HECW1: variants seen among roughly 807,000 people sequenced by gnomAD.
HECW1 encodes E3 ubiquitin-protein ligase HECW1.
Under a neutral mutation model 182.3 loss-of-function variants are expected in HECW1, and 61 were observed. The ratio of observed to expected loss-of-function variants is 0.33; its 90% CI spans 0.27 to 0.41. The LOEUF (loss-of-function observed/expected upper bound fraction) is 0.41, where lower values mean the gene tolerates loss of function less well. Ranked by LOEUF, HECW1 falls within the 10% of genes least tolerant of loss-of-function variation. The pLI, the probability that HECW1 is intolerant of heterozygous loss-of-function variation, is 1.00. For missense variants in HECW1, 1,739 were observed against 2,108.9 expected (o/e 0.82, Z 3.44); for synonymous variants, 859 against 832.6 (o/e 1.03, Z -0.55).
chr7:43,231,384 T>C (rs930068246), intron 2 of HECW1, among the ~76,000 whole-genome samples: 3 of 152,222 alleles, frequency 2.0e-5, no homozygotes, highest in Non-Finnish European at 4.4e-5. Flanking sequence ...CACCAAGGCA[T>C]GTTATCTGCT....
chr7:43,532,755 A>C (rs4720448), intron 24 of HECW1, among the ~76,000 whole-genome samples: 84,860 of 152,002 alleles, frequency 0.56, 23,747 homozygotes, highest in Non-Finnish European at 0.59. Flanking sequence ...ATTCTCCCCC[A>C]TCATCACTTC....
intron 3 of HECW1, among the ~76,000 whole-genome samples, chr7:43,282,461 G>A (rs1804042324): frequency 6.6e-6 from 1 of 152,206 alleles, no homozygotes; most frequent in African/African-American, 2.4e-5. Context: ...CTTGCCTAGT[G>A]TTCAGTGTTC....
intron 2 of HECW1, among the ~76,000 whole-genome samples, chr7:43,162,751 C>T (rs1296862581): frequency 2.0e-5 from 3 of 152,036 alleles, no homozygotes; most frequent in South Asian, 2.1e-4. Context: ...GGTAGTGGTC[C>T]CTATAAACAA....
At chr7:43,535,601 G>T (rs576950253) in intron 24 of HECW1, among the ~76,000 whole-genome samples, 1 of 152,330 alleles carries the variant, frequency 6.6e-6, no homozygotes, top group East Asian at 1.9e-4. Context: ...AGGGGAAACG[G>T]CTGAACCAAG....
chr7:43,162,944 A>G (rs1233319915), intron 2 of HECW1: 7 of 152,268 alleles, frequency 4.6e-5, no homozygotes, highest in Admixed American at 4.6e-4. Flanking sequence ...CATGAGTCTT[A>G]GAGAAGTCAA....
intron 8 of HECW1, among the ~76,000 whole-genome samples, chr7:43,414,134 G>A (rs966805259): frequency 8.9e-4 from 135 of 151,796 alleles, no homozygotes; most frequent in Non-Finnish European, 1.5e-3. Flanking sequence ...ATTTCATTGA[G>A]CAGTGGTTTC....
At chr7:43,142,509 G>T (rs534472810) in intron 2 of HECW1, among the ~76,000 whole-genome samples, 1 of 152,210 alleles carries the variant, frequency 6.6e-6, no homozygotes, top group Non-Finnish European at 1.5e-5. Flanking sequence ...CCTGGCTCTG[G>T]CTCAGCTCCC....
At chr7:43,411,012 A>G (rs578144592) in intron 8 of HECW1, among the ~76,000 whole-genome samples, 4 of 142,030 alleles carry the variant, frequency 2.8e-5, no homozygotes, top group Admixed American at 1.4e-4. Flanking sequence ...ATATGCCCTT[A>G]TTTTCATTTA....
At chr7:43,207,358 T>C (rs1048231355) in intron 2 of HECW1, among the ~76,000 whole-genome samples, 1 of 152,204 alleles carries the variant, frequency 6.6e-6, no homozygotes. Flanking sequence ...AAATTCTATT[T>C]TTAAATTGAC....
intron 17 of HECW1, among the ~76,000 whole-genome samples, chr7:43,480,626 T>C (rs1275187529): frequency 4.6e-5 from 7 of 150,834 alleles, no homozygotes; most frequent in Non-Finnish European, 1.0e-4. Context: ...TGTGTGTGCG[T>C]GTGTGTGTGT....
chr7:43,416,186 G>A (rs1475871372), intron 8 of HECW1, among the ~76,000 whole-genome samples: 5 of 150,226 alleles, frequency 3.3e-5, no homozygotes, highest in Non-Finnish European at 5.9e-5. Flanking sequence ...TTTGATGATG[G>A]TGATGTACAG....
chr7:43,335,751 CTCTT>C (rs149779652), intron 5 of HECW1, among the ~76,000 whole-genome samples: 2,973 of 146,056 alleles, frequency 0.02, 109 homozygotes, highest in African/African-American at 0.072. Flanking sequence ...CTCCTTTCCT[CTCTT>C]TCTTTCTTTC....
rs781217064 is a variant in HECW1, at chr7:43,265,764, G to A, written c.27+21832G>A. 2.6e-5 allele frequency among the ~76,000 whole-genome samples: 4 copies of A among 152,150 alleles called. 1 individual carries two copies. The highest frequency in any genetic ancestry group is 4.1e-4 in the South Asian group (2 of 4,830). On this transcript the variant is annotated intron_variant, in intron 3 of 29. Coordinates refer to ENST00000395891, the MANE Select transcript of HECW1 (RefSeq NM_015052.5). The stretch of plus-strand genomic sequence containing the variant: ...GCTGCTCCCACTTCAGGCATCAGCC[G>A]AAAACAGGGTTCCCAGGATTCCCAT...
chr7:43,113,096 A>G (rs764097129), intron 1 of HECW1, among the ~76,000 whole-genome samples, 159 bp downstream of exon 1: 30 of 151,662 alleles, frequency 2.0e-4, no homozygotes, highest in Admixed American at 1.7e-3. Context: ...GCGAGGTTCA[A>G]TTGTCAGCCT....
chr7:43,289,731 G>T (rs1459413305), intron 3 of HECW1, among the ~76,000 whole-genome samples: 1 of 152,208 alleles, frequency 6.6e-6, no homozygotes, highest in Non-Finnish European at 1.5e-5. Context: ...ATCTCAAGAG[G>T]TCCTGAGAAA....
In HECW1 at chr7:43,209,052, A is replaced by G. The variant is rs545384327; in HGVS notation, c.-31-34823A>G. 5.3e-5 allele frequency among the ~76,000 whole-genome samples: 8 copies of G among 152,180 alleles called. No homozygotes were observed. In the South Asian group the frequency reaches 1.0e-3, roughly 20 times the overall value. On this transcript the variant is annotated intron_variant, in intron 2 of 29. Transcript: ENST00000395891. ...ACATTACCTCTTATTTAGCATTTTT[A>G]TGTATTTGAGGCAGGTAGGGCAGGG...
chr7:43,365,879 T>C (rs1305964205), intron 6 of HECW1, among the ~76,000 whole-genome samples: 1 of 152,126 alleles, frequency 6.6e-6, no homozygotes, highest in Non-Finnish European at 1.5e-5. Flanking sequence ...GTATCACATG[T>C]GGCCAGGAGT....
chr7:43,253,992 G>A (rs1800305279), intron 3 of HECW1, among the ~76,000 whole-genome samples: 1 of 152,058 alleles, frequency 6.6e-6, no homozygotes, highest in Non-Finnish European at 1.5e-5. Flanking sequence ...GAGAAGTGAG[G>A]GGCTTGCTTA....
chr7:43,447,758 A>G (rs1231618372), intron 11 of HECW1, among the ~76,000 whole-genome samples: 1 of 152,162 alleles, frequency 6.6e-6, no homozygotes, highest in East Asian at 1.9e-4. Context: ...TGTGTGGGTG[A>G]CCTCTGCTTC....
Sources: gnomAD v4.1 joint callset for allele counts (sites outside exome capture counted in the v4.1 genomes callset) on GRCh38, gnomAD v4.1.1 for gene constraint, MANE v1.5 for transcripts, NCBI Gene and HGNC (gene_info 2026-07-23, HGNC 2026-07-21) for gene names.